CCDC14: variants seen among roughly 807,000 people sequenced by gnomAD.
CCDC14 encodes the protein coiled-coil domain-containing protein 14.
A neutral mutation model predicts 81.4 loss-of-function variants in CCDC14; 71 were observed. That is an observed-to-expected ratio of 0.87 (90% confidence interval 0.72 to 1.06). CCDC14 has a LOEUF of 1.06. Ranked by LOEUF, CCDC14 falls within the 50% of genes least tolerant of loss-of-function variation. The pLI, the probability that CCDC14 is intolerant of heterozygous loss-of-function variation, is 0.00. For synonymous variants in CCDC14, 332 were observed against 364.8 expected, an observed-to-expected ratio of 0.91 and a Z score of 1.03; for missense variants, 1,046 against 1,047.3, an observed-to-expected ratio of 1.00 and a Z score of 0.02.
At chr3:123,932,075 T>A (rs1559781520) in intron 10 of CCDC14, among the ~76,000 whole-genome samples, 1 of 152,224 alleles carries the variant, frequency 6.6e-6, no homozygotes, top group Admixed American at 6.5e-5. Flanking sequence ...TGGCACCATT[T>A]GTTGAGCAAA....
At chr3:123,909,813 A>G (rs1216566879), downstream of CCDC14, among the ~76,000 whole-genome samples, 1 of 152,214 alleles carries the variant, frequency 6.6e-6, no homozygotes, top group African/African-American at 2.4e-5. Flanking sequence ...ACAGATTTGG[A>G]GCCCTAAAGT....
chr3:123,923,416 T>C (rs1220193345), intron 12 of CCDC14, among the ~76,000 whole-genome samples: 1 of 151,844 alleles, frequency 6.6e-6, no homozygotes, highest in Non-Finnish European at 1.5e-5. Context: ...AACATATTAC[T>C]GGAACTCTTA....
downstream of CCDC14, among the ~76,000 whole-genome samples, chr3:123,910,291 T>G (rs185062672): frequency 2.6e-5 from 4 of 152,304 alleles, no homozygotes; most frequent in Admixed American, 2.0e-4. Flanking sequence ...TTGTCCATTT[T>G]AAAACTACTA....
intron 9 of CCDC14, among the ~76,000 whole-genome samples, chr3:123,940,979 G>A (rs1159757874): frequency 6.6e-6 from 1 of 152,066 alleles, no homozygotes; most frequent in Non-Finnish European, 1.5e-5. Flanking sequence ...GTTAAATTAT[G>A]AAGACAGAAC....
chr3:123,906,222 T>C (rs376182059), intron 5 of CCDC14, among the ~76,000 whole-genome samples: 2 of 151,936 alleles, frequency 1.3e-5, no homozygotes, highest in African/African-American at 4.8e-5. Context: ...CCCAACTACT[T>C]GGTAGGCTGA....
downstream of CCDC14, among the ~76,000 whole-genome samples, chr3:123,910,366 T>G (rs1577209638): frequency 6.6e-6 from 1 of 152,064 alleles, no homozygotes. Context: ...TGAAGTTCAT[T>G]GCTGGATTTA....
the CCDC14 span, among the ~76,000 whole-genome samples, chr3:123,890,312 C>A: frequency 2.6e-5 from 4 of 152,188 alleles, no homozygotes; most frequent in Non-Finnish European, 5.9e-5. Flanking sequence ...CAAAACCAAT[C>A]ATGCCTTCCC....
chr3:123,931,601 A>ATT, intron 10 of CCDC14, 75 bp from the exon 11 acceptor site: 1 of 7,220 alleles, frequency 1.4e-4, no homozygotes, highest in Admixed American at 3.1e-3. Context: ...CCTGTTTCTT[A>ATT]AAAAAAAAAA....
chr3:123,898,884 GTTT>G (rs10675830), intron 5 of CCDC14, among the ~76,000 whole-genome samples: 1 of 139,596 alleles, frequency 7.2e-6, no homozygotes. Context: ...TTGTTTGGTT[GTTT>G]TTTTTTTTTT....
intron 12 of CCDC14, among the ~76,000 whole-genome samples, chr3:123,929,203 T>C (rs2035560243): frequency 1.3e-5 from 2 of 152,210 alleles, no homozygotes; most frequent in South Asian, 2.1e-4. Flanking sequence ...CACTTGACCA[T>C]GCTGACTCAC....
intron 5 of CCDC14, among the ~76,000 whole-genome samples, chr3:123,951,716 C>T (rs1000558429): frequency 2.0e-5 from 3 of 152,168 alleles, no homozygotes; most frequent in Non-Finnish European, 4.4e-5. Flanking sequence ...ACTTTCTTTT[C>T]AAGGCGTGGT....
At chr3:123,960,815 A>G (rs904726798) in intron 1 of CCDC14, among the ~76,000 whole-genome samples, 16 of 152,220 alleles carry the variant, frequency 1.1e-4, no homozygotes, top group African/African-American at 3.6e-4. Flanking sequence ...GAGCAGTAAA[A>G]AGTAGTAGAC....
chr3:123,956,890 T>C (rs1298859865), intron 1 of CCDC14, 95 bp from the exon 2 acceptor site: 1 of 787,770 alleles, frequency 1.3e-6, no homozygotes, highest in East Asian at 3.0e-5. Context: ...TTTTTTCTTT[T>C]ATTCATCTTC....
At chr3:123,919,800 A>C (rs143153916) in intron 12 of CCDC14, among the ~76,000 whole-genome samples, 1 of 152,294 alleles carries the variant, frequency 6.6e-6, no homozygotes, top group East Asian at 1.9e-4. Flanking sequence ...AGGGCATAAC[A>C]CTTGCAAAAC....
chr3:123,909,582 A>T (rs1186495190), downstream of CCDC14, among the ~76,000 whole-genome samples: 1 of 152,246 alleles, frequency 6.6e-6, no homozygotes, highest in Non-Finnish European at 1.5e-5. Context: ...CCTTTAATAA[A>T]GCAAAAGTAA....
At chr3:123,898,884 G>GTT (rs10675830) in intron 5 of CCDC14, among the ~76,000 whole-genome samples, 15,724 of 139,458 alleles carry the variant, frequency 0.11, 1,377 homozygotes, top group East Asian at 0.34. Flanking sequence ...TTGTTTGGTT[G>GTT]TTTTTTTTTT....
chr3:123,955,134 G>C (rs1489832462), intron 5 of CCDC14: 1 of 152,166 alleles, frequency 6.6e-6, no homozygotes, highest in African/African-American at 2.4e-5. Flanking sequence ...TGCCCAAGCT[G>C]AATCTAAGCA....
chr3:123,897,932 T>C (rs1411892855), intron 5 of CCDC14, among the ~76,000 whole-genome samples: 1 of 152,204 alleles, frequency 6.6e-6, no homozygotes, highest in Admixed American at 6.5e-5. Context: ...TCTGGAGATA[T>C]TTTATATGTA....
rs1222448949 is a variant in CCDC14 at position 123,913,540 on chromosome 3, G to A, written c.*1239C>T. The A allele has an allele frequency of 4.1e-6, 4 of 980,242 alleles. No individual in the cohort carries two copies. The highest frequency in any genetic ancestry group is 4.8e-6 in the Non-Finnish European group (4 of 825,556). 60.7% of individuals were successfully genotyped at this position (980,242 alleles called of 1,614,324 possible). A position where few individuals can be genotyped will look rare whatever the true frequency, so the allele number is the denominator to read the frequency against. ...ATGAATACTAAATAAAATTAAAGAT[G>A]CTAATGGACTCTTGTGTGAAATAGT... is the stretch of plus-strand genomic sequence containing the variant. On this transcript the variant is annotated 3_prime_UTR_variant, in exon 13 of 13. Transcript: ENST00000409697.
Sources: allele counts gnomAD v4.1 joint callset (sites outside exome capture counted in the v4.1 genomes callset), GRCh38; gene constraint gnomAD v4.1.1; transcripts MANE v1.5; gene names NCBI Gene and HGNC (gene_info 2026-07-23, HGNC 2026-07-21).